Variants in RBFOX1 observed in about 807,000 individuals in gnomAD.
RBFOX1 encodes the protein RNA binding protein fox-1 homolog 1.
A neutral mutation model predicts 57.7 loss-of-function variants in RBFOX1; 8 were observed. The observed-to-expected ratio is 0.14, with a 90% CI of 0.08 to 0.25. The LOEUF (loss-of-function observed/expected upper bound fraction) is 0.25, where lower values mean the gene tolerates loss of function less well. Among genes scored for constraint, RBFOX1 ranks in the 10% least tolerant of loss-of-function variants. The pLI, the probability that RBFOX1 is intolerant of heterozygous loss-of-function variation, is 1.00. For synonymous variants in RBFOX1, 326 were observed against 222.4 expected (o/e 1.47, Z -4.15); for missense variants, 611 against 548.5 (o/e 1.11, Z -1.14).
Position 5,544,951 on chromosome 16 carries a change from C to CTTTTTTTTTTTTTTTTTTT in RBFOX1, c.259-53926_259-53908dup, listed in dbSNP as rs59873374. Among the ~76,000 whole-genome samples the CTTTTTTTTTTTTTTTTTTT allele has an allele frequency of 1.1e-4, 14 of 124,408 alleles. 1 individual carries two copies. The highest frequency in any genetic ancestry group is 1.5e-4 in the Non-Finnish European group (9 of 61,000). The allele number at this position is 124,408 out of a possible 152,430, so 81.6% of individuals were successfully genotyped here. A position where few individuals can be genotyped will look rare whatever the true frequency, so the allele number is the denominator to read the frequency against. On this transcript the variant is annotated intron_variant, in intron 2 of 2. Coordinates refer to the RBFOX1 transcript ENST00000585867. Reference sequence around the variant, plus strand: ...GTATAGATGGCCTTACTATTACATTCTTTTTTTTTTTTTTTTTTTTTTTTT... The same window carrying CTTTTTTTTTTTTTTTTTTT: ...GTATAGATGGCCTTACTATTACATTCTTTTTTTTTTTTTTTTTTTTTTTTTTTTTTTTTTTTTTTTTTTT...
At chr16:6,666,881 T>G (rs2098736428) in intron 3 of RBFOX1, among the ~76,000 whole-genome samples, 1 of 152,162 alleles carries the variant, frequency 6.6e-6, no homozygotes, top group Non-Finnish European at 1.5e-5. Context: ...GGGTCCTCAA[T>G]GAGTCTGCTC....
chr16:5,641,242 C>G (rs1459912098), intron 3 of RBFOX1, among the ~76,000 whole-genome samples: 1 of 152,314 alleles, frequency 6.6e-6, no homozygotes, highest in East Asian at 1.9e-4. Context: ...CACACATGTA[C>G]CAACTGAGTA....
intron 3 of RBFOX1, among the ~76,000 whole-genome samples, chr16:6,683,615 G>C (rs992957824): frequency 6.6e-6 from 1 of 152,050 alleles, no homozygotes; most frequent in African/African-American, 2.4e-5. Context: ...ATCTGTGTTT[G>C]TGTTTGCATA....
intron 4 of RBFOX1, among the ~76,000 whole-genome samples, chr16:7,399,116 C>T (rs1421102782): frequency 1.3e-5 from 2 of 152,122 alleles, no homozygotes; most frequent in Non-Finnish European, 2.9e-5. Flanking sequence ...GCACTTGTAC[C>T]CCCGAATCCA....
intron 9 of RBFOX1, among the ~76,000 whole-genome samples, chr16:7,602,348 G>A (rs976118570): frequency 6.6e-6 from 1 of 152,176 alleles, no homozygotes; most frequent in African/African-American, 2.4e-5. Context: ...ACCCCAAGAC[G>A]TCTGTTCTCT....
chr16:7,014,538 C>A (rs1331008372), intron 3 of RBFOX1, among the ~76,000 whole-genome samples: 2 of 151,932 alleles, frequency 1.3e-5, no homozygotes, highest in Admixed American at 1.3e-4. Flanking sequence ...TCCCAAAGTG[C>A]TAGAATTACA....
intron 3 of RBFOX1, among the ~76,000 whole-genome samples, chr16:7,006,241 G>C (rs2093287942): frequency 6.6e-6 from 1 of 152,028 alleles, no homozygotes; most frequent in Non-Finnish European, 1.5e-5. Context: ...TGCATCCTCT[G>C]CCTCCGAGGT....
rs1178625700 is a variant in RBFOX1, at chr16:6,919,218, G to A, written c.-15-132839G>A. Among the ~76,000 whole-genome samples the A allele has an allele frequency of 4.6e-5, 7 of 152,082 alleles. No individual in the cohort carries two copies. The East Asian group carries it at 5.8e-4, about 13-fold the overall frequency. ...GGCTGGTCTTGAACTCCTGACCTCA[G>A]GTGATCCGCCCGCCTCAGCTTCCCA... is the stretch of plus-strand genomic sequence containing the variant. On this transcript the variant is annotated intron_variant, in intron 3 of 15. Transcript: ENST00000550418.
intron 3 of RBFOX1, among the ~76,000 whole-genome samples, chr16:5,683,551 G>C (rs2050409525): frequency 6.6e-6 from 1 of 151,942 alleles, no homozygotes; most frequent in Non-Finnish European, 1.5e-5. Context: ...AACCTGAAAA[G>C]GAGAGATGGG....
chr16:6,931,020 T>G (rs2076418838), intron 3 of RBFOX1, among the ~76,000 whole-genome samples: 1 of 152,114 alleles, frequency 6.6e-6, no homozygotes, highest in Admixed American at 6.6e-5. Context: ...TGTAAATTTT[T>G]TGGATGTAGA....
intron 2 of RBFOX1, among the ~76,000 whole-genome samples, chr16:6,321,294 T>C (rs999493957): frequency 2.6e-5 from 4 of 152,174 alleles, no homozygotes; most frequent in African/African-American, 9.7e-5. Flanking sequence ...TACTGTATTG[T>C]TGTATGGGAT....
chr16:7,587,290 G>T lies in RBFOX1; in HGVS notation c.458G>T (p.Arg153Leu). The T allele has an allele frequency of 6.4e-7, 1 of 1,560,688 alleles. No homozygotes were observed. ...GATGTTGAAATTATTTTTAATGAGC[G>T]AGGCTCAAAGGTAAGCAACTTAATT... ...ILDVEIIFNE[R>L]GSKGFGFVTF... The change falls in exon 7 of 16, where the codon CGA (arginine) becomes CTA (leucine). Residue 153 changes from arginine to leucine, a missense_variant. Coordinates refer to ENST00000550418, the MANE Select transcript of RBFOX1 (RefSeq NM_018723.4).
intron 3 of RBFOX1, among the ~76,000 whole-genome samples, chr16:7,005,575 G>T (rs1210082577): frequency 2.0e-5 from 3 of 152,198 alleles, no homozygotes; most frequent in Admixed American, 2.0e-4. Context: ...GCTCCTGAAA[G>T]ATCCTATTAG....
chr16:5,932,001 C>A (rs2152249561), intron 4 of RBFOX1, among the ~76,000 whole-genome samples: 1 of 152,128 alleles, frequency 6.6e-6, no homozygotes, highest in African/African-American at 2.4e-5. Flanking sequence ...TGGGCCTCTC[C>A]CTATGTTTCC....
intron 1 of RBFOX1, among the ~76,000 whole-genome samples, chr16:5,333,800 A>G (rs1878542): frequency 0.9 from 137,374 of 152,220 alleles, 63,700 homozygotes; most frequent in East Asian, 1. Flanking sequence ...ATTTTACTGA[A>G]TCTGGTAGGC....
intron 1 of RBFOX1, among the ~76,000 whole-genome samples, chr16:6,112,020 T>TA (rs144796650): frequency 0.096 from 14,564 of 151,380 alleles, 764 homozygotes; most frequent in Non-Finnish European, 0.11. Flanking sequence ...AGTGATCTGA[T>TA]AAAAAAAAAG....
chr16:7,694,682 G>T (rs55719623), intron 14 of RBFOX1, among the ~76,000 whole-genome samples: 13 of 152,304 alleles, frequency 8.5e-5, no homozygotes, highest in Non-Finnish European at 1.5e-4. Context: ...AATGCCCAGT[G>T]CTAGGTGCAA....
chr16:5,564,686 T>C (rs367837156), intron 2 of RBFOX1, among the ~76,000 whole-genome samples: 3 of 152,332 alleles, frequency 2.0e-5, no homozygotes, highest in South Asian at 2.1e-4. Context: ...CTCCAGGCTT[T>C]CTGGCAAGCA....
chr16:7,629,477 A>G (rs1257078216), intron 10 of RBFOX1, among the ~76,000 whole-genome samples: 1 of 152,128 alleles, frequency 6.6e-6, no homozygotes, highest in Non-Finnish European at 1.5e-5. Flanking sequence ...TGACAGGGGA[A>G]TCCAAATCAA....
Sources: gnomAD v4.1 joint callset for allele counts (sites outside exome capture counted in the v4.1 genomes callset) on GRCh38, gnomAD v4.1.1 for gene constraint, MANE v1.5 for transcripts, NCBI Gene and HGNC (gene_info 2026-07-23, HGNC 2026-07-21) for gene names.